The following CPE variants were observed in gnomAD, a reference collection of about 807,000 sequenced individuals.
The protein encoded by CPE is carboxypeptidase E, also known as carbocypeptidase E.
In CPE, 17 loss-of-function variants were observed where a neutral mutation model predicts 53.5. That is an observed-to-expected ratio of 0.32 (90% CI 0.22 to 0.48). The LOEUF (loss-of-function observed/expected upper bound fraction) is 0.48, where lower values mean the gene tolerates loss of function less well. Among genes scored for constraint, CPE ranks in the 20% least tolerant of loss-of-function variants. The probability of loss-of-function intolerance (pLI) is 0.99; values close to 1 mark genes in which losing one functional copy is unlikely to be tolerated. For missense variants in CPE, 524 were observed against 614.7 expected (o/e 0.85, Z 1.56); for synonymous variants, 226 against 228.8 (o/e 0.99, Z 0.11).
chr4:165,467,736 A>C lies in CPE; in HGVS notation c.553A>C (p.Ile185Leu), dbSNP rs373594119. 2.5e-6 allele frequency: 4 copies of C among 1,613,530 alleles called. No homozygotes were observed. The highest frequency in any genetic ancestry group is 4.5e-5 in the East Asian group (2 of 44,854). The change falls in exon 3 of 9, where the codon ATA (isoleucine) becomes CTA (leucine). Residue 185 changes from isoleucine (I) to leucine (L), a missense_variant. Coordinates refer to ENST00000402744, the MANE Select transcript of CPE (RefSeq NM_001873.4). Reference sequence around the variant, plus strand: ...TGTGGGTCGAAGCAATGCCCAGGGAATAGATCTGAACCGGAACTTTCCAGA... The same window carrying C: ...TGTGGGTCGAAGCAATGCCCAGGGACTAGATCTGAACCGGAACTTTCCAGA... The part of the protein sequence containing the change: ...WFVGRSNAQG[I>L]DLNRNFPDLD...
At chr4:165,463,488 C>T (rs1188719578) in intron 1 of CPE, among the ~76,000 whole-genome samples, 2 of 152,078 alleles carry the variant, frequency 1.3e-5, no homozygotes, top group Admixed American at 1.3e-4. Context: ...AAGTAACTTG[C>T]CCAAGCCTAG....
intron 1 of CPE, among the ~76,000 whole-genome samples, chr4:165,429,422 G>A (rs940273110): frequency 1.2e-4 from 19 of 152,116 alleles, no homozygotes; most frequent in Non-Finnish European, 2.4e-4. Context: ...AAAAATTATT[G>A]CTGGGTGCGG....
At chr4:165,445,599 A>G (rs1731699937) in intron 1 of CPE, among the ~76,000 whole-genome samples, 1 of 152,190 alleles carries the variant, frequency 6.6e-6, no homozygotes, top group Non-Finnish European at 1.5e-5. Context: ...TTAACAAAAA[A>G]GGTGCAACTC....
intron 3 of CPE, among the ~76,000 whole-genome samples, chr4:165,473,485 C>G (rs1037480389): frequency 6.6e-6 from 1 of 152,232 alleles, no homozygotes; most frequent in Non-Finnish European, 1.5e-5. Context: ...GTTATCCCCC[C>G]TCAAGAGATT....
chr4:165,474,172 A>G (rs1159466445), intron 3 of CPE, among the ~76,000 whole-genome samples: 3 of 152,154 alleles, frequency 2.0e-5, no homozygotes, highest in Non-Finnish European at 1.5e-5. Flanking sequence ...TTGTTTCTGC[A>G]TTTTTCCTTC....
intron 1 of CPE, among the ~76,000 whole-genome samples, chr4:165,449,781 CT>C (rs1300400471): frequency 2.0e-5 from 3 of 150,866 alleles, no homozygotes; most frequent in Non-Finnish European, 4.4e-5. Context: ...ATTGCTTTAT[CT>C]TTTTCTGAGT....
chr4:165,417,954 T>G (rs900723447), intron 1 of CPE, among the ~76,000 whole-genome samples: 2 of 152,322 alleles, frequency 1.3e-5, no homozygotes, highest in Admixed American at 6.5e-5. Context: ...CACATTTCAC[T>G]GAGTGCAACT....
chr4:165,486,021 C>G (rs1732499454), intron 5 of CPE, among the ~76,000 whole-genome samples: 1 of 152,138 alleles, frequency 6.6e-6, no homozygotes, highest in African/African-American at 2.4e-5. Flanking sequence ...TTGGAAGAAG[C>G]CTGGAGCATA....
At chr4:165,445,788 T>A (rs760142671) in intron 1 of CPE, among the ~76,000 whole-genome samples, 1 of 152,282 alleles carries the variant, frequency 6.6e-6, no homozygotes, top group African/African-American at 2.4e-5. Context: ...TTTGAAATAA[T>A]AAATGTTTTA....
At chr4:165,408,337 CG>C (rs1425409341) in intron 1 of CPE, among the ~76,000 whole-genome samples, 11 of 152,232 alleles carry the variant, frequency 7.2e-5, no homozygotes, top group Non-Finnish European at 1.5e-4. Context: ...ACTTTTTTAT[CG>C]GATAAGTAGA....
chr4:165,433,822 T>C (rs1731452937), intron 1 of CPE, among the ~76,000 whole-genome samples: 1 of 152,210 alleles, frequency 6.6e-6, no homozygotes, highest in African/African-American at 2.4e-5. Context: ...GTTATTTAAT[T>C]GACTTGCTGC....
chr4:165,404,481 C>T, intron 1 of CPE: 1 of 783,426 alleles, frequency 1.3e-6, no homozygotes, highest in East Asian at 2.4e-5. Flanking sequence ...CCTAGGAAGC[C>T]CTTGGACACC....
chr4:165,480,268 T>C (rs1732382229), intron 3 of CPE, among the ~76,000 whole-genome samples: 1 of 152,182 alleles, frequency 6.6e-6, no homozygotes, highest in East Asian at 1.9e-4. Context: ...GAATGCAGTT[T>C]GGAATACATT....
chr4:165,465,336 A>G (rs1346850975), intron 2 of CPE, among the ~76,000 whole-genome samples: 1 of 152,132 alleles, frequency 6.6e-6, no homozygotes, highest in African/African-American at 2.4e-5. Context: ...TTGACATTGT[A>G]AGAAACCCAG....
intron 1 of CPE, among the ~76,000 whole-genome samples, chr4:165,452,235 G>A (rs1224272042): frequency 6.6e-6 from 1 of 151,970 alleles, no homozygotes; most frequent in Non-Finnish European, 1.5e-5. Flanking sequence ...CACTACCGTC[G>A]GTAAATTATA....
chr4:165,383,877 G>A (rs1730543237), intron 1 of CPE, among the ~76,000 whole-genome samples: 1 of 152,182 alleles, frequency 6.6e-6, no homozygotes, highest in African/African-American at 2.4e-5. Flanking sequence ...TACCACACAT[G>A]GTCAAGAGTT....
chr4:165,433,338 G>A (rs1346979304), intron 1 of CPE, among the ~76,000 whole-genome samples: 1 of 152,090 alleles, frequency 6.6e-6, no homozygotes, highest in Non-Finnish European at 1.5e-5. Flanking sequence ...TTTTAGTTTG[G>A]TGACATGGAA....
chr4:165,452,959 T>C (rs907858052), intron 1 of CPE, among the ~76,000 whole-genome samples: 2 of 152,176 alleles, frequency 1.3e-5, no homozygotes, highest in Non-Finnish European at 1.5e-5. Flanking sequence ...CAGAGCGCTA[T>C]AAGTCAGCAC....
chr4:165,379,330 A>C lies in CPE; in HGVS notation c.109A>C (p.Met37Leu), dbSNP rs1730463664. 6.3e-7 allele frequency: 1 copy of C among 1,574,894 alleles called. No individual in the cohort carries two copies. Among genetic ancestry groups the C allele is most frequent in the Non-Finnish European group, 8.6e-7 (1 of 1,165,392 alleles). Residue 37 changes from methionine to leucine, a missense_variant, in exon 1 of 9, where the codon ATG becomes CTG. By Grantham distance (15) the Met-to-Leu change is conservative. Coordinates refer to ENST00000402744, the MANE Select transcript of CPE (RefSeq NM_001873.4). The surrounding 1 kb of genome is among the most constrained non-coding windows in gnomAD (Gnocchi z 6.0). ...AQEPGAPAAG[M>L]RRRRRLQQED... ...GGAGCCCGGGGCGCCCGCGGCGGGCATGAGGCGGCGCCGGCGGCTGCAGCA... is the reference window on the plus strand; with the variant it reads ...GGAGCCCGGGGCGCCCGCGGCGGGCCTGAGGCGGCGCCGGCGGCTGCAGCA...
Sources: allele counts gnomAD v4.1 joint callset (sites outside exome capture counted in the v4.1 genomes callset), GRCh38; gene constraint gnomAD v4.1.1; non-coding constraint Gnocchi (gnomAD v3.1); transcripts MANE v1.5; gene names NCBI Gene and HGNC (gene_info 2026-07-23, HGNC 2026-07-21).